KCNK10: variants seen among roughly 807,000 people sequenced by gnomAD.
The protein encoded by KCNK10 is potassium two pore domain channel subfamily K member 10.
KCNK10 carries 25 observed loss-of-function variants against 47.7 expected under a neutral mutation model. That is an observed-to-expected ratio of 0.52 (90% confidence interval 0.38 to 0.73). KCNK10 has a LOEUF of 0.73. Ranked by LOEUF, KCNK10 falls within the 30% of genes least tolerant of loss-of-function variation. The pLI, the probability that KCNK10 is intolerant of heterozygous loss-of-function variation, is 0.00. For synonymous variants in KCNK10, 303 were observed against 285.6 expected, an observed-to-expected ratio of 1.06 and a Z score of -0.61; for missense variants, 563 against 714.5, an observed-to-expected ratio of 0.79 and a Z score of 2.42.
chr14:88,193,271 T>A (rs1015824690), intron 4 of KCNK10, among the ~76,000 whole-genome samples: 2 of 152,152 alleles, frequency 1.3e-5, no homozygotes, highest in Admixed American at 6.5e-5. Context: ...AGGAGTCAGT[T>A]GTTGGGTCAT....
intron 1 of KCNK10, among the ~76,000 whole-genome samples, chr14:88,320,621 C>A (rs1162711807): frequency 6.6e-6 from 1 of 152,086 alleles, no homozygotes; most frequent in African/African-American, 2.4e-5. Flanking sequence ...CTCAGTCATT[C>A]CAATTCCTTC....
At position 88,273,604 on chromosome 14, in the gene KCNK10, G is replaced by A. The variant is rs765346499; in HGVS notation, c.53-10053C>T. On this transcript the variant is annotated intron_variant, in intron 1 of 6. Coordinates refer to ENST00000319231, the MANE Select transcript of KCNK10 (RefSeq NM_138317.3). ...TGCTGAGCTGGTCAGAGCAGCCCAGGCATATCCGACTGGACCACCATCTTT... is the reference window on the plus strand; with the variant it reads ...TGCTGAGCTGGTCAGAGCAGCCCAGACATATCCGACTGGACCACCATCTTT... Among the ~76,000 whole-genome samples, 166 of 152,228 alleles carry A rather than the reference G, an allele frequency of 1.1e-3. 2 individuals are homozygous for A. Among genetic ancestry groups the A allele is most frequent in the Non-Finnish European group, 1.9e-4 (13 of 68,006 alleles).
chr14:88,287,112 C>T (rs1485149237), intron 1 of KCNK10, among the ~76,000 whole-genome samples: 1 of 152,132 alleles, frequency 6.6e-6, no homozygotes, highest in Non-Finnish European at 1.5e-5. Context: ...ATAGAACATG[C>T]CACTAACAGG....
chr14:88,241,947 G>A (rs971574495), intron 2 of KCNK10, among the ~76,000 whole-genome samples: 27 of 152,308 alleles, frequency 1.8e-4, no homozygotes, highest in Non-Finnish European at 3.7e-4. Context: ...AAGGTAGGAC[G>A]TGCTGTCATG....
chr14:88,293,699 G>C (rs946142551), intron 1 of KCNK10, among the ~76,000 whole-genome samples: 23 of 151,730 alleles, frequency 1.5e-4, no homozygotes, highest in Non-Finnish European at 1.5e-5. Context: ...TTTATGGACA[G>C]AGTCTTGCTC....
chr14:88,196,303 G>C (rs1314143767), intron 4 of KCNK10, among the ~76,000 whole-genome samples: 1 of 152,200 alleles, frequency 6.6e-6, no homozygotes, highest in Non-Finnish European at 1.5e-5. Context: ...CAGGAGGAGA[G>C]GGAGCCAGTT....
chr14:88,185,784 C>T lies in KCNK10; in HGVS notation c.1383G>A (p.Arg461=). Residue 461 remains arginine (R), a synonymous_variant, in exon 7 of 7, where the codon AGG becomes AGA. Transcript: ENST00000319231. The surrounding 1 kb of genome is among the most constrained non-coding windows in gnomAD (Gnocchi z 4.3). The stretch of plus-strand genomic sequence containing the variant: ...AGGTCTTTTTGAGGTCCTTGTTTTT[C>T]CTCTTGGTGAGTCTGGAGGTGGACC... The part of the protein sequence containing the change: ...KFGSTSRLTK[R]KNKDLKKTLP... The T allele has an allele frequency of 6.2e-7, 1 of 1,614,120 alleles. No homozygotes were observed. Among genetic ancestry groups the T allele is most frequent in the Non-Finnish European group, 8.5e-7 (1 of 1,180,026 alleles).
At chr14:88,297,561 T>C (rs531894314) in intron 1 of KCNK10, among the ~76,000 whole-genome samples, 1 of 152,330 alleles carries the variant, frequency 6.6e-6, no homozygotes, top group East Asian at 1.9e-4. Flanking sequence ...CCTTTAACAG[T>C]AACTTCTCCT....
intron 1 of KCNK10, among the ~76,000 whole-genome samples, chr14:88,295,275 C>A (rs1887963375): frequency 6.6e-6 from 1 of 152,204 alleles, no homozygotes; most frequent in Admixed American, 6.5e-5. Context: ...CTTCCTAGTT[C>A]CCAGATATGA....
intron 1 of KCNK10, among the ~76,000 whole-genome samples, chr14:88,303,681 C>T (rs1014726443): frequency 3.9e-5 from 6 of 152,102 alleles, no homozygotes; most frequent in Admixed American, 6.5e-5. Context: ...TAGGAAAAGA[C>T]GCCCTTCATC....
chr14:88,250,128 G>C (rs1329451205), intron 2 of KCNK10, among the ~76,000 whole-genome samples: 3 of 152,064 alleles, frequency 2.0e-5, no homozygotes, highest in African/African-American at 7.2e-5. Context: ...AGTTTTTTTA[G>C]AACATTGAAT....
chr14:88,268,858 G>GT (rs574339243), intron 1 of KCNK10, among the ~76,000 whole-genome samples: 278 of 152,310 alleles, frequency 1.8e-3, no homozygotes, highest in Admixed American at 4.3e-3. Context: ...ATTTTAAAAT[G>GT]TTTCCTCAAG....
At chr14:88,220,214 G>A (rs1040385972) in intron 4 of KCNK10, among the ~76,000 whole-genome samples, 1 of 151,482 alleles carries the variant, frequency 6.6e-6, no homozygotes, top group Non-Finnish European at 1.5e-5. Flanking sequence ...TCAGAAGATC[G>A]AGACCATCCC....
chr14:88,197,950 A>G (rs557401403), intron 4 of KCNK10, among the ~76,000 whole-genome samples: 2 of 152,246 alleles, frequency 1.3e-5, no homozygotes, highest in Non-Finnish European at 2.9e-5. Flanking sequence ...GTCCAGCAGG[A>G]AGATCTGAGC....
At chr14:88,213,849 T>C (rs1478207230) in intron 4 of KCNK10, among the ~76,000 whole-genome samples, 1 of 151,758 alleles carries the variant, frequency 6.6e-6, no homozygotes, top group Non-Finnish European at 1.5e-5. Flanking sequence ...AGTTTAGGAC[T>C]GAGTTAAATC....
chr14:88,197,445 T>C (rs911815808), intron 4 of KCNK10, among the ~76,000 whole-genome samples: 3 of 151,504 alleles, frequency 2.0e-5, no homozygotes, highest in Non-Finnish European at 2.9e-5. Context: ...TGGTGGCAGA[T>C]GTCTGTAATC....
intron 1 of KCNK10, among the ~76,000 whole-genome samples, chr14:88,310,157 CAT>C (rs1888284773): frequency 4.6e-5 from 2 of 43,570 alleles, no homozygotes; most frequent in Admixed American, 2.3e-4. Flanking sequence ...ATATCTCTCT[CAT>C]ATACCATATC....
Position 88,185,301 on chromosome 14 carries a change from G to T in KCNK10, c.*234C>A. On this transcript the variant is annotated 3_prime_UTR_variant, in exon 7 of 7. Coordinates refer to ENST00000319231, the MANE Select transcript of KCNK10 (RefSeq NM_138317.3). This position sits in a 1 kb window ranked among gnomAD's most constrained non-coding sequence, Gnocchi z 4.3. The stretch of plus-strand genomic sequence containing the variant: ...AACATGTACGGCCAGAACCGGCTAC[G>T]TGCACGGACACTCTTGGTGTGTCCT... The T allele has an allele frequency of 1.8e-6, 1 of 556,174 alleles. No homozygotes were observed. Among genetic ancestry groups the T allele is most frequent in the Non-Finnish European group, 3.0e-6 (1 of 328,562 alleles). The allele number at this position is 556,174 out of a possible 1,614,324, so 34.5% of individuals were successfully genotyped here. A position where few individuals can be genotyped will look rare whatever the true frequency, so the allele number is the denominator to read the frequency against.
At chr14:88,296,810 A>G (rs1887994372) in intron 1 of KCNK10, among the ~76,000 whole-genome samples, 1 of 152,242 alleles carries the variant, frequency 6.6e-6, no homozygotes, top group African/African-American at 2.4e-5. Flanking sequence ...GCTTAACATT[A>G]GTAGTGAACT....
Sources: allele counts gnomAD v4.1 joint callset (sites outside exome capture counted in the v4.1 genomes callset), GRCh38; gene constraint gnomAD v4.1.1; non-coding constraint Gnocchi (gnomAD v3.1); transcripts MANE v1.5; gene names NCBI Gene and HGNC (gene_info 2026-07-23, HGNC 2026-07-21).